Variants in CACNA1E observed in about 807,000 individuals in gnomAD.
CACNA1E encodes the protein voltage-dependent R-type calcium channel subunit alpha-1E.
CACNA1E carries 40 observed loss-of-function variants against 259.2 expected under a neutral mutation model. The ratio of observed to expected loss-of-function variants is 0.15; its 90% CI spans 0.12 to 0.20. CACNA1E has a LOEUF of 0.20. CACNA1E is among the 10% of genes least tolerant of loss of function. The pLI, the probability that CACNA1E is intolerant of heterozygous loss-of-function variation, is 1.00. For synonymous variants in CACNA1E, 1,104 were observed against 1,138.5 expected, an observed-to-expected ratio of 0.97 and a Z score of 0.61; for missense variants, 1,874 against 3,040.1, an observed-to-expected ratio of 0.62 and a Z score of 9.02.
chr1:181,787,521 C>T (rs1366769183), intron 43 of CACNA1E, among the ~76,000 whole-genome samples: 1 of 152,168 alleles, frequency 6.6e-6, no homozygotes, highest in Non-Finnish European at 1.5e-5. Context: ...GTCTTTTCTC[C>T]ATGTATTTAT....
chr1:181,792,184 G>GA (rs151135108), intron 44 of CACNA1E, among the ~76,000 whole-genome samples: 4,826 of 152,192 alleles, frequency 0.032, 190 homozygotes, highest in African/African-American at 0.092. Context: ...TGTCTAGTGG[G>GA]AAAAAAATCT....
intron 6 of CACNA1E, among the ~76,000 whole-genome samples, chr1:181,604,202 AC>A (rs1005553883): frequency 4.0e-5 from 6 of 151,738 alleles, no homozygotes; most frequent in African/African-American, 1.5e-4. Flanking sequence ...GACTAATTCC[AC>A]CCCAACCTTG....
At chr1:181,385,255 G>A (rs1655756148) in intron 1 of CACNA1E, among the ~76,000 whole-genome samples, 1 of 152,188 alleles carries the variant, frequency 6.6e-6, no homozygotes, top group African/African-American at 2.4e-5. Context: ...GAGTTCCTTG[G>A]AGATAGCTAG....
At chr1:181,349,028 G>C (rs1047799557) in intron 1 of CACNA1E, among the ~76,000 whole-genome samples, 13 of 151,856 alleles carry the variant, frequency 8.6e-5, no homozygotes, top group African/African-American at 2.9e-4. Flanking sequence ...ACAGCAGAAT[G>C]GTTGATTAAT....
At chr1:181,779,466 T>C (rs775230774) in intron 38 of CACNA1E, 2 of 454,510 alleles carry the variant, frequency 4.4e-6, no homozygotes, top group Admixed American at 4.7e-5. Context: ...TATAAGGATA[T>C]GTACAAATTA....
intron 7 of CACNA1E, among the ~76,000 whole-genome samples, chr1:181,674,394 C>CAAAAAAAAAAAAA (rs10711497): frequency 2.3e-5 from 1 of 43,586 alleles, no homozygotes; most frequent in Non-Finnish European, 4.2e-5. Context: ...GACTCCATCT[C>CAAAAAAAAAAAAA]AAAAAAAAAA....
At chr1:181,431,545 A>G (rs970280430) in intron 2 of CACNA1E, among the ~76,000 whole-genome samples, 12 of 152,178 alleles carry the variant, frequency 7.9e-5, no homozygotes, top group Non-Finnish European at 1.8e-4. Flanking sequence ...CCAGGATATT[A>G]ACAGACATGC....
chr1:181,577,697 G>A (rs1386161552), intron 3 of CACNA1E, 69 bp from the exon 4 acceptor site: 10 of 1,051,382 alleles, frequency 9.5e-6, no homozygotes, highest in South Asian at 4.2e-5. Flanking sequence ...CCTCAGCCCC[G>A]CTTCCTGCAT....
chr1:181,525,263 G>A (rs1667271949), intron 3 of CACNA1E, among the ~76,000 whole-genome samples: 2 of 152,178 alleles, frequency 1.3e-5, no homozygotes, highest in African/African-American at 4.8e-5. Flanking sequence ...CAGTAGGAGG[G>A]ACAGCAGTAG....
intron 47 of CACNA1E, among the ~76,000 whole-genome samples, chr1:181,797,164 C>T (rs1661883690): frequency 6.6e-6 from 1 of 152,152 alleles, no homozygotes; most frequent in African/African-American, 2.4e-5. Context: ...AGAGGATGGT[C>T]CTTTAGCCAG....
intron 33 of CACNA1E, 125 bp downstream of exon 33, chr1:181,762,782 A>T (rs1394256632): frequency 3.1e-6 from 2 of 644,254 alleles, no homozygotes; most frequent in African/African-American, 3.9e-5. Context: ...AGTGTTGGGA[A>T]TTTACTCCCT....
In CACNA1E at chr1:181,485,873, C is replaced by A. The variant is rs1663763640; in HGVS notation, c.266+1863C>A. On this transcript the variant is annotated intron_variant, in intron 1 of 47. Coordinates refer to ENST00000367573, the MANE Select transcript of CACNA1E (RefSeq NM_001205293.3). The surrounding 1 kb of genome is among the most constrained non-coding windows in gnomAD (Gnocchi z 4.2). ...GTTTCTTTGCGGTAGACAAAGCCGC[C>A]CAACCGCCCCGCGGGTGGCAAAGTG... is the stretch of plus-strand genomic sequence containing the variant. 6.6e-6 allele frequency among the ~76,000 whole-genome samples: 1 copy of A among 152,226 alleles called. No homozygotes were observed. Among genetic ancestry groups the A allele is most frequent in the African/African-American group, 2.4e-5 (1 of 41,456 alleles).
intron 1 of CACNA1E, among the ~76,000 whole-genome samples, chr1:181,338,839 A>T (rs142627286): frequency 6.6e-6 from 1 of 151,812 alleles, no homozygotes; most frequent in Non-Finnish European, 1.5e-5. Flanking sequence ...ATTTTTGTGT[A>T]TAGTGTAAAT....
chr1:181,385,220 G>A (rs1217712024), intron 1 of CACNA1E, among the ~76,000 whole-genome samples: 2 of 152,182 alleles, frequency 1.3e-5, no homozygotes, highest in Non-Finnish European at 2.9e-5. Context: ...GGTGTCATGA[G>A]AATTAAAAGT....
intron 1 of CACNA1E, among the ~76,000 whole-genome samples, chr1:181,356,084 C>T (rs1051536921): frequency 6.6e-6 from 1 of 152,208 alleles, no homozygotes; most frequent in Non-Finnish European, 1.5e-5. Flanking sequence ...CCAGGGTTCA[C>T]AGCCTGACTC....
At chr1:181,596,918 A>G (rs1282836783) in intron 6 of CACNA1E, among the ~76,000 whole-genome samples, 1 of 152,028 alleles carries the variant, frequency 6.6e-6, no homozygotes, top group Non-Finnish European at 1.5e-5. Flanking sequence ...TAGGTGTCCA[A>G]AAAAGGAGGA....
chr1:181,541,198 G>A (rs551515042), intron 3 of CACNA1E, among the ~76,000 whole-genome samples: 1 of 151,976 alleles, frequency 6.6e-6, no homozygotes, highest in Non-Finnish European at 1.5e-5. Context: ...TCCACTACGC[G>A]GGCAAAATAT....
At chr1:181,792,525 C>G (rs975471149) in intron 44 of CACNA1E, among the ~76,000 whole-genome samples, 1 of 152,204 alleles carries the variant, frequency 6.6e-6, no homozygotes, top group African/African-American at 2.4e-5. Flanking sequence ...CTATACAAAG[C>G]ATGTACTACA....
chr1:181,540,566 A>C (rs779893036), intron 3 of CACNA1E, among the ~76,000 whole-genome samples: 1 of 152,208 alleles, frequency 6.6e-6, no homozygotes, highest in Non-Finnish European at 1.5e-5. Flanking sequence ...CAACGTGTGC[A>C]GGAAAGACTC....
Sources: gnomAD v4.1 joint callset for allele counts (sites outside exome capture counted in the v4.1 genomes callset) on GRCh38, gnomAD v4.1.1 for gene constraint, Gnocchi (gnomAD v3.1) non-coding constraint, MANE v1.5 for transcripts, NCBI Gene and HGNC (gene_info 2026-07-23, HGNC 2026-07-21) for gene names.